Variants in RB1CC1 observed in about 807,000 individuals in gnomAD.
RB1CC1 encodes the protein RB1-inducible coiled-coil protein 1.
Under a neutral mutation model 177.5 loss-of-function variants are expected in RB1CC1, and 46 were observed. The observed-to-expected ratio is 0.26, with a 90% CI of 0.20 to 0.33. The LOEUF (loss-of-function observed/expected upper bound fraction) is 0.33, where lower values mean the gene tolerates loss of function less well. Ranked by LOEUF, RB1CC1 falls within the 10% of genes least tolerant of loss-of-function variation. The pLI is 1.00. For missense variants in RB1CC1, 1,703 were observed against 1,816.3 expected, an observed-to-expected ratio of 0.94 and a Z score of 1.13; for synonymous variants, 666 against 613.6, an observed-to-expected ratio of 1.09 and a Z score of -1.26.
intron 1 of RB1CC1, among the ~76,000 whole-genome samples, chr8:52,711,891 A>C (rs1371533505): frequency 6.6e-6 from 1 of 152,096 alleles, no homozygotes; most frequent in African/African-American, 2.4e-5. Flanking sequence ...TCCTTTCGAG[A>C]GTCACACACT....
At chr8:52,650,770 A>T (rs1315315979) in intron 15 of RB1CC1, among the ~76,000 whole-genome samples, 2 of 152,178 alleles carry the variant, frequency 1.3e-5, no homozygotes, top group Admixed American at 6.5e-5. Flanking sequence ...ATAACAGTAC[A>T]CACTTGTAGT....
Position 52,686,937 on chromosome 8 carries a change from C to T in RB1CC1, c.-136G>A, listed in dbSNP as rs562723371. ...TGTTTGCTTTGCTTGAGATTGGCAACTGAATGGCATTACTGGTTAAACTCA... is the reference window on the plus strand; with the variant it reads ...TGTTTGCTTTGCTTGAGATTGGCAATTGAATGGCATTACTGGTTAAACTCA... On this transcript the variant is annotated 5_prime_UTR_variant, in exon 2 of 24. Transcript: ENST00000025008. 2.1e-4 allele frequency: 96 copies of T among 456,638 alleles called. No homozygotes were observed. The highest frequency in any genetic ancestry group is 1.9e-3 in the African/African-American group (94 of 50,182). The allele number at this position is 456,638 out of a possible 1,614,324, so 28.3% of individuals were successfully genotyped here.
chr8:52,690,645 CA>C (rs1427537994), intron 1 of RB1CC1, among the ~76,000 whole-genome samples: 1 of 152,138 alleles, frequency 6.6e-6, no homozygotes, highest in African/African-American at 2.4e-5. Flanking sequence ...AGACTAAACA[CA>C]AAATCTTCAA....
At chr8:52,627,974 T>G in intron 22 of RB1CC1, 58 bp downstream of exon 22, 1 of 1,425,206 alleles carries the variant, frequency 7.0e-7, no homozygotes, top group Non-Finnish European at 9.3e-7. Flanking sequence ...AAAAAAATCT[T>G]TACTTATATA....
chr8:52,647,347 A>T (rs1000854679), intron 15 of RB1CC1, among the ~76,000 whole-genome samples: 23 of 152,284 alleles, frequency 1.5e-4, no homozygotes, highest in African/African-American at 5.5e-4. Flanking sequence ...CCTATTTCAT[A>T]ATATAGTTAA....
intron 1 of RB1CC1, among the ~76,000 whole-genome samples, chr8:52,695,297 G>C (rs1489996416): frequency 6.6e-6 from 1 of 152,216 alleles, no homozygotes; most frequent in Non-Finnish European, 1.5e-5. Context: ...CCATTGAAAA[G>C]AAGGCATTGA....
At chr8:52,674,350 C>G in intron 6 of RB1CC1, 76 bp from the exon 7 acceptor site, 2 of 1,277,114 alleles carry the variant, frequency 1.6e-6, no homozygotes, top group Non-Finnish European at 2.2e-6. Context: ...AATGAAATCA[C>G]ATATTATTAT....
chr8:52,683,454 C>A, intron 5 of RB1CC1, 95 bp downstream of exon 5: 1 of 1,137,740 alleles, frequency 8.8e-7, no homozygotes, highest in South Asian at 2.9e-5. Flanking sequence ...ATTTGTCAAA[C>A]TTTTTGCATA....
At chr8:52,641,431 A>C (rs1849576278) in intron 18 of RB1CC1, among the ~76,000 whole-genome samples, 1 of 151,840 alleles carries the variant, frequency 6.6e-6, no homozygotes, top group Non-Finnish European at 1.5e-5. Flanking sequence ...TAAAATATTA[A>C]TGCCCAAAGC....
intron 1 of RB1CC1, among the ~76,000 whole-genome samples, chr8:52,689,753 T>C (rs1591096949): frequency 6.6e-6 from 1 of 152,120 alleles, no homozygotes; most frequent in Non-Finnish European, 1.5e-5. Context: ...TGGGGCAGTT[T>C]TCCACGCTTA....
rs979763468 is a variant in RB1CC1, at chr8:52,642,827, T to C, written c.3988-15A>G. 6.6e-7 allele frequency: 1 copy of C among 1,515,962 alleles called. No individual in the cohort carries two copies. The highest frequency in any genetic ancestry group is 8.8e-7 in the Non-Finnish European group (1 of 1,140,332). The allele number at this position is 1,515,962 out of a possible 1,614,324, so 93.9% of individuals were successfully genotyped here. ...TTAAAATTGGTCTGGAACAAGAGAA[T>C]AATTATTTAAATTTATCTACATGTA... On this transcript the variant is annotated splice_polypyrimidine_tract_variant and intron_variant, in intron 16 of 23. Coordinates refer to ENST00000025008, the MANE Select transcript of RB1CC1 (RefSeq NM_014781.5).
chr8:52,658,880 A>T lies in RB1CC1; in HGVS notation c.1786T>A (p.Phe596Ile), dbSNP rs1851342534. 6.4e-7 allele frequency: 1 copy of T among 1,564,484 alleles called. No homozygotes were observed. Among genetic ancestry groups the T allele is most frequent in the African/African-American group, 1.4e-5 (1 of 72,536 alleles). ...AATACTAATGACATTTACCTGAGGAATGGCTGAACTTCCGAAGGACAAAAT... is the reference window on the plus strand; with the variant it reads ...AATACTAATGACATTTACCTGAGGATTGGCTGAACTTCCGAAGGACAAAAT... ...QSFCPSEVQP[F>I]LRVPLLCDFE... The change falls in exon 13 of 24, where the codon TTC becomes ATC. Residue 596 changes from phenylalanine (F) to isoleucine (I), a missense_variant. By Grantham distance (21) the Phe-to-Ile change is conservative. Around this residue, in one of 6 missense-constraint regions of RB1CC1, gnomAD observed 1,169 missense variants for 1,184.7 expected, o/e 0.99. Coordinates refer to ENST00000025008, the MANE Select transcript of RB1CC1 (RefSeq NM_014781.5).
intron 1 of RB1CC1, among the ~76,000 whole-genome samples, chr8:52,704,098 TA>T (rs1276683897): frequency 6.6e-6 from 1 of 152,012 alleles, no homozygotes; most frequent in Non-Finnish European, 1.5e-5. Flanking sequence ...CACCCTGAAA[TA>T]AAAAATACTT....
rs374304660 is a variant in RB1CC1, at chr8:52,628,063, T to C, written c.4605A>G (p.Leu1535=). The change falls in exon 22 of 24, where the codon CTA becomes CTG. Residue 1535 remains leucine, a synonymous_variant. Coordinates refer to ENST00000025008, the MANE Select transcript of RB1CC1 (RefSeq NM_014781.5). The stretch of plus-strand genomic sequence containing the variant: ...CACCTGGTTTGAGATCCAGGGCAGG[T>C]AGAGACTCTGAATGTAGAAAATATA... ...PTLYFLHSES[L]PALDLKPGEG... is the part of the protein sequence containing the mutation. 12 of 1,605,718 alleles carry C rather than the reference T, an allele frequency of 7.5e-6. No homozygotes were observed. The highest frequency in any genetic ancestry group is 2.3e-5 in the East Asian group (1 of 44,292).
At chr8:52,664,624 T>A (rs940534226) in intron 8 of RB1CC1, among the ~76,000 whole-genome samples, 1 of 152,140 alleles carries the variant, frequency 6.6e-6, no homozygotes, top group African/African-American at 2.4e-5. Flanking sequence ...TTTTGTAATA[T>A]CCATAGGAAC....
intron 3 of RB1CC1, 143 bp downstream of exon 3, chr8:52,685,250 CGCCTCA>C (rs757364304): frequency 2.0e-5 from 11 of 560,984 alleles, no homozygotes; most frequent in Non-Finnish European, 3.5e-5. Flanking sequence ...GTGATCCGCC[CGCCTCA>C]GCCTCCCAAA....
At chr8:52,674,362 C>T (rs1324410977) in intron 6 of RB1CC1, 88 bp from the exon 7 acceptor site, 7 of 1,152,624 alleles carry the variant, frequency 6.1e-6, no homozygotes, top group Non-Finnish European at 8.8e-6. Flanking sequence ...TATTATTATA[C>T]ACACAAATCT....
chr8:52,654,924 T>C (rs1850946326), intron 15 of RB1CC1, among the ~76,000 whole-genome samples: 1 of 152,200 alleles, frequency 6.6e-6, no homozygotes, highest in South Asian at 2.1e-4. Flanking sequence ...AACTTGTTCA[T>C]GCTGTATTCA....
chr8:52,688,256 A>C (rs1426545981), intron 1 of RB1CC1, among the ~76,000 whole-genome samples: 1 of 152,230 alleles, frequency 6.6e-6, no homozygotes, highest in Non-Finnish European at 1.5e-5. Context: ...GGTCAGGCAA[A>C]AAGAGCCATA....
Sources: gnomAD v4.1 joint callset for allele counts (sites outside exome capture counted in the v4.1 genomes callset) on GRCh38, gnomAD v4.1.1 for gene constraint, gnomAD v4.1.1 regional missense constraint, MANE v1.5 for transcripts, NCBI Gene and HGNC (gene_info 2026-07-23, HGNC 2026-07-21) for gene names.